The following KLHL15 variants were observed in gnomAD, a reference collection of about 807,000 sequenced individuals.
KLHL15 encodes kelch-like protein 15.
In KLHL15, 1 loss-of-function variant was observed where a neutral mutation model predicts 29.3. That is an observed-to-expected ratio of 0.03 (90% confidence interval 0.01 to 0.16). The LOEUF (loss-of-function observed/expected upper bound fraction) is 0.16, where lower values mean the gene tolerates loss of function less well. Among genes scored for constraint, KLHL15 ranks in the 10% least tolerant of loss-of-function variants. The pLI, the probability that KLHL15 is intolerant of heterozygous loss-of-function variation, is 1.00. For missense variants in KLHL15, 215 were observed against 478.5 expected (o/e 0.45, Z 5.14); for synonymous variants, 212 against 184.5 (o/e 1.15, Z -1.21).
Position 23,987,776 on chromosome X carries a change from G to T in KLHL15, c.*145C>A. ...AGGCCACTGAAAAGAAAAAAAGGAT[G>T]CTAGCACAGAATGAAAAATTCTTAC... On this transcript the variant is annotated 3_prime_UTR_variant, in exon 4 of 4. Coordinates refer to ENST00000328046, the MANE Select transcript of KLHL15 (RefSeq NM_030624.3). 1 of 532,895 alleles carries T rather than the reference G, an allele frequency of 1.9e-6. No homozygotes were observed. The highest frequency in any genetic ancestry group is 3.0e-6 in the Non-Finnish European group (1 of 334,626). The allele number at this position is 532,895 out of a possible 1,213,427, so 43.9% of individuals were successfully genotyped here.
At position 24,021,371 on chromosome X, in the gene KLHL15, G is replaced by A. The variant is rs181139848; in HGVS notation, c.-8+3486C>T. 7.2e-5 allele frequency among the ~76,000 whole-genome samples: 8 copies of A among 111,111 alleles called. No homozygotes were observed. In the East Asian group the frequency reaches 2.3e-3, roughly 31 times the overall value. ...GGGTCTTTGGTGTCATTTCAGTGAG[G>A]CCTTCCTCAAACACCCTCTTTTAAA... On this transcript the variant is annotated intron_variant, in intron 2 of 3. Coordinates refer to ENST00000328046, the MANE Select transcript of KLHL15 (RefSeq NM_030624.3).
intron 3 of KLHL15, among the ~76,000 whole-genome samples, chrX:24,005,703 A>G (rs992377328): frequency 8.9e-6 from 1 of 112,418 alleles, no homozygotes; most frequent in Non-Finnish European, 1.9e-5. Flanking sequence ...TATTTTGCAT[A>G]AAGTAATTAT....
chrX:24,025,391 GCCGCTCCGGGCCGCGCGC>G (rs1314627184), intron 1 of KLHL15, among the ~76,000 whole-genome samples: 9 of 106,229 alleles, frequency 8.5e-5, no homozygotes, highest in African/African-American at 1.7e-4. Flanking sequence ...CGAGCCGGGG[GCCGCTCCGGGCCGCGCGC>G]CCCCTGCGGG....
At chrX:23,995,859 C>T (rs368099218) in intron 3 of KLHL15, among the ~76,000 whole-genome samples, 6 of 111,746 alleles carry the variant, frequency 5.4e-5, no homozygotes, top group East Asian at 5.6e-4. Flanking sequence ...AAGTGATTCT[C>T]CTGCCTGTCT....
intron 3 of KLHL15, among the ~76,000 whole-genome samples, chrX:23,993,102 A>C (rs1052836469): frequency 5.3e-5 from 6 of 112,241 alleles, no homozygotes; most frequent in African/African-American, 1.9e-4. Flanking sequence ...ACAATTACTA[A>C]GAAGAAACTT....
chrX:24,007,314 G>A (rs1490380607), intron 2 of KLHL15, among the ~76,000 whole-genome samples: 3 of 107,678 alleles, frequency 2.8e-5, no homozygotes. Flanking sequence ...TCAATACGAT[G>A]AAACTCCAAC....
intron 3 of KLHL15, among the ~76,000 whole-genome samples, chrX:23,991,582 C>T (rs1263529178): frequency 8.9e-6 from 1 of 111,745 alleles, no homozygotes; most frequent in Non-Finnish European, 1.9e-5. Flanking sequence ...TGGCTCATGC[C>T]TGTGATCCCA....
chrX:24,014,095 TAAA>T (rs11340896), intron 2 of KLHL15, among the ~76,000 whole-genome samples: 1 of 89,032 alleles, frequency 1.1e-5, no homozygotes, highest in African/African-American at 4.0e-5. Context: ...CTAACAAAAT[TAAA>T]AAAAAAAAAA....
Position 23,996,659 on chromosome X carries a change from T to A in KLHL15, c.706-7629A>T, listed in dbSNP as rs186666335. Among the ~76,000 whole-genome samples the A allele has an allele frequency of 7.2e-5, 8 of 111,507 alleles. No homozygotes were observed. In the Admixed American group the frequency reaches 7.7e-4, roughly 11 times the overall value. On this transcript the variant is annotated intron_variant, in intron 3 of 3. Transcript: ENST00000328046. ...GCTTGGATGACAGAGCGAGACTCCA[T>A]CTCAAAAAACAAAACAAAACAAAAA...
At chrX:23,992,847 T>C (rs776006158) in intron 3 of KLHL15, among the ~76,000 whole-genome samples, 35 of 112,161 alleles carry the variant, frequency 3.1e-4, no homozygotes, top group Non-Finnish European at 1.3e-4. Context: ...ACAAGTATTA[T>C]AACGAGTGAA....
chrX:23,992,612 T>TC (rs1321121827), intron 3 of KLHL15, among the ~76,000 whole-genome samples: 2 of 112,123 alleles, frequency 1.8e-5, no homozygotes, highest in Non-Finnish European at 3.8e-5. Flanking sequence ...TTCAAGTTTT[T>TC]CAAAGGAAAA....
intron 3 of KLHL15, among the ~76,000 whole-genome samples, chrX:24,003,176 G>A (rs1929365111): frequency 9.0e-6 from 1 of 111,727 alleles, no homozygotes; most frequent in South Asian, 3.7e-4. Context: ...CTTTCAGTCT[G>A]GACAGTGCCA....
At chrX:24,008,890 A>C (rs1929514631) in intron 2 of KLHL15, among the ~76,000 whole-genome samples, 1 of 106,463 alleles carries the variant, frequency 9.4e-6, no homozygotes, top group African/African-American at 3.4e-5. Flanking sequence ...AAAACAAAAC[A>C]AAAAAAAAAC....
intron 2 of KLHL15, among the ~76,000 whole-genome samples, chrX:24,018,916 T>C (rs1929747214): frequency 9.0e-6 from 1 of 111,286 alleles, no homozygotes; most frequent in African/African-American, 3.3e-5. Context: ...GGCACGAGAA[T>C]TGCTTGAACC....
chrX:24,022,577 T>A (rs187155819), intron 2 of KLHL15, among the ~76,000 whole-genome samples: 41 of 103,218 alleles, frequency 4.0e-4, no homozygotes, highest in African/African-American at 1.4e-3. Context: ...GAGGTTCCAA[T>A]GAGCGGGGAT....
chrX:24,001,539 C>G (rs1004916403), intron 3 of KLHL15, among the ~76,000 whole-genome samples: 3 of 110,361 alleles, frequency 2.7e-5, no homozygotes, highest in Non-Finnish European at 5.7e-5. Flanking sequence ...CGTGGTGGCT[C>G]AAGCCTGTAA....
At chrX:24,011,767 C>T (rs1030996026) in intron 2 of KLHL15, among the ~76,000 whole-genome samples, 6 of 112,214 alleles carry the variant, frequency 5.3e-5, no homozygotes, top group African/African-American at 1.9e-4. Context: ...TATGCCACTG[C>T]ATTCCAGCCT....
At chrX:24,009,941 G>T (rs1929539879) in intron 2 of KLHL15, among the ~76,000 whole-genome samples, 1 of 93,274 alleles carries the variant, frequency 1.1e-5, no homozygotes, top group Non-Finnish European at 2.0e-5. Context: ...AGTGAGCCAA[G>T]ATCGCACCAC....
At chrX:23,991,371 A>AAG (rs60060413) in intron 3 of KLHL15, among the ~76,000 whole-genome samples, 2 of 103,464 alleles carry the variant, frequency 1.9e-5, no homozygotes, top group African/African-American at 6.9e-5. Context: ...AAAAAAAAAA[A>AAG]GCCCAGGTGT....
Sources: gnomAD v4.1 joint callset for allele counts (sites outside exome capture counted in the v4.1 genomes callset) on GRCh38, gnomAD v4.1.1 for gene constraint, MANE v1.5 for transcripts, NCBI Gene and HGNC (gene_info 2026-07-23, HGNC 2026-07-21) for gene names.